Variants in MFSD12 observed in about 807,000 individuals in gnomAD.
The protein encoded by MFSD12 is major facilitator superfamily domain containing 12.
In MFSD12, 67 loss-of-function variants were observed where a neutral mutation model predicts 51.2. The ratio of observed to expected loss-of-function variants is 1.31; its 90% CI spans 1.08 to 1.60. The LOEUF (loss-of-function observed/expected upper bound fraction) is 1.60. Ranked by LOEUF, MFSD12 falls within the 40% of genes most tolerant of loss-of-function variation. The pLI is 0.00. For synonymous variants in MFSD12, 441 were observed against 316.7 expected (o/e 1.39, Z -4.17); for missense variants, 921 against 673.0 (o/e 1.37, Z -4.08).
In MFSD12 at chr19:3,551,488, C is replaced by T. The variant is rs1336989038; in HGVS notation, c.299-294G>A. On this transcript the variant is annotated intron_variant, in intron 1 of 9. Coordinates refer to ENST00000355415, the MANE Select transcript of MFSD12 (RefSeq NM_174983.5). The surrounding 1 kb of genome is among the most constrained non-coding windows in gnomAD (Gnocchi z 4.6). ...CCCACAGGTGCCCCGGTTACAGCCG[C>T]AGCCTCCCCCAGCTCCTCCCCCTCG... Among the ~76,000 whole-genome samples, 1 of 152,172 alleles carries T rather than the reference C, an allele frequency of 6.6e-6. No homozygotes were observed. The highest frequency in any genetic ancestry group is 2.4e-5 in the African/African-American group (1 of 41,450).
intron 1 of MFSD12, among the ~76,000 whole-genome samples, chr19:3,552,094 C>T (rs1265526202): frequency 2.0e-5 from 3 of 152,196 alleles, no homozygotes; most frequent in African/African-American, 7.2e-5. Flanking sequence ...CGGCTTCCTG[C>T]CGGCTTTCCT....
chr19:3,551,939 G>A lies in MFSD12; in HGVS notation c.299-745C>T, dbSNP rs1292154198. On this transcript the variant is annotated intron_variant, in intron 1 of 9. Coordinates refer to ENST00000355415, the MANE Select transcript of MFSD12 (RefSeq NM_174983.5). The surrounding 1 kb of genome is among the most constrained non-coding windows in gnomAD (Gnocchi z 4.6). ...CGGGCCTTTGCATGGGCGTGCCTCT[G>A]CCTAGAGCTCTCTCTCACATCTTAG... Among the ~76,000 whole-genome samples the A allele has an allele frequency of 2.0e-5, 3 of 152,066 alleles. No homozygotes were observed. Among genetic ancestry groups the A allele is most frequent in the Non-Finnish European group, 4.4e-5 (3 of 68,020 alleles).
chr19:3,543,165 A>G (rs936636067), downstream of MFSD12: 16 of 1,519,028 alleles, frequency 1.1e-5, no homozygotes, highest in Non-Finnish European at 1.4e-5. Context: ...CCACCCTGGC[A>G]GACATCGCAA....
chr19:3,554,462 A>G (rs1001506248), intron 1 of MFSD12, among the ~76,000 whole-genome samples: 3 of 139,960 alleles, frequency 2.1e-5, no homozygotes, highest in Non-Finnish European at 3.2e-5. Context: ...AAAAAAAAAA[A>G]AAAAGAAAGA....
rs56203814 is a variant in MFSD12, at chr19:3,544,894, C to A, written c.1335G>T (p.Ala445=). The A allele has an allele frequency of 6.2e-7, 1 of 1,611,760 alleles. No individual in the cohort carries two copies. Among genetic ancestry groups the A allele is most frequent in the Non-Finnish European group, 8.5e-7 (1 of 1,179,528 alleles). ...CRACVSFYHW[A]MVAVTGGVGV... is the part of the protein sequence containing the mutation. ...CCACGCCGCCCGTCACAGCCACCAT[C>A]GCCCAGTGGTAAAAGCTCACGCAGG... Residue 445 remains alanine, a synonymous_variant, in exon 9 of 10, where the codon GCG becomes GCT. Transcript: ENST00000355415.
At chr19:3,548,347 G>A in intron 2 of MFSD12, 80 bp from the exon 3 acceptor site, 1 of 1,508,878 alleles carries the variant, frequency 6.6e-7, no homozygotes, top group Non-Finnish European at 8.8e-7. Flanking sequence ...CGCCGTCAGA[G>A]AGGCCTGGGG....
intron 2 of MFSD12, among the ~76,000 whole-genome samples, chr19:3,548,706 T>C (rs929812814): frequency 2.6e-5 from 4 of 152,142 alleles, no homozygotes; most frequent in Non-Finnish European, 4.4e-5. Flanking sequence ...CTCAGAATCC[T>C]ACCATGAATC....
Position 3,544,663 on chromosome 19 carries a change from G to T in MFSD12, c.*47C>A. The T allele has an allele frequency of 6.4e-7, 1 of 1,555,390 alleles. No individual in the cohort carries two copies. Among genetic ancestry groups the T allele is most frequent in the South Asian group, 1.2e-5 (1 of 82,264 alleles). The stretch of plus-strand genomic sequence containing the variant: ...CCCCAAGGCCCTGGGGGGCATCCTC[G>T]TGCGTCCCCACAGTTCCCTTGCACA... On this transcript the variant is annotated 3_prime_UTR_variant, in exon 10 of 10. Transcript: ENST00000355415.
chr19:3,542,008 C>T (rs1568248609), downstream of MFSD12: 1 of 479,050 alleles, frequency 2.1e-6, no homozygotes, highest in Admixed American at 6.4e-5. Flanking sequence ...CGGGGTTTCA[C>T]CATGTTGGTC....
At chr19:3,539,586 A>G (rs1477199867), downstream of MFSD12, 1 of 332,116 alleles carries the variant, frequency 3.0e-6, no homozygotes, top group East Asian at 5.0e-5. Context: ...TCTGTGGCTG[A>G]GAGAGTCTGT....
chr19:3,538,447 T>TCCC (rs2030079734), exon 5 of MFSD12: 1 of 315,954 alleles, frequency 3.2e-6, no homozygotes, highest in Non-Finnish European at 6.3e-6. Context: ...CACCCCCAGG[T>TCCC]CCCCCTCCCC....
downstream of MFSD12, chr19:3,543,795 TGGG>T: frequency 6.7e-7 from 1 of 1,498,492 alleles, no homozygotes; most frequent in Non-Finnish European, 9.0e-7. Flanking sequence ...GGCGAGGAGG[TGGG>T]GGCACATGGT....
chr19:3,557,543 G>T lies in MFSD12; in HGVS notation c.-140C>A, dbSNP rs1473230406. On this transcript the variant is annotated 5_prime_UTR_variant, in exon 1 of 10. Coordinates refer to ENST00000355415, the MANE Select transcript of MFSD12 (RefSeq NM_174983.5). ...CCGCGTCCCGCTCTCTTACGGCCGCGCCCTCACCCACGTCCGCCGCGTCCG... is the reference window on the plus strand; with the variant it reads ...CCGCGTCCCGCTCTCTTACGGCCGCTCCCTCACCCACGTCCGCCGCGTCCG... 7 of 403,624 alleles carry T rather than the reference G, an allele frequency of 1.7e-5. No homozygotes were observed. Among genetic ancestry groups the T allele is most frequent in the Non-Finnish European group, 2.2e-5 (6 of 273,672 alleles). The allele number at this position is 403,624 out of a possible 1,614,324, so 25.0% of individuals were successfully genotyped here. A position where few individuals can be genotyped will look rare whatever the true frequency, so the allele number is the denominator to read the frequency against.
At chr19:3,553,392 G>A (rs2031571665) in intron 1 of MFSD12, among the ~76,000 whole-genome samples, 5 of 150,988 alleles carry the variant, frequency 3.3e-5, no homozygotes, top group South Asian at 2.1e-4. Context: ...AGGACTGCTT[G>A]AACCCAGGAG....
rs1188124311 is a variant in MFSD12 at position 3,546,407 on chromosome 19, G to A, written c.1042C>T (p.Leu348Phe). Residue 348 changes from leucine to phenylalanine, a missense_variant, in exon 7 of 10, where the codon CTC becomes TTC. Coordinates refer to ENST00000355415, the MANE Select transcript of MFSD12 (RefSeq NM_174983.5). ...IGRNMTYFSG[L>F]LVILAFAAWV... is the part of the protein sequence containing the mutation. ...GCGGCAAAGGCCAGGATCACCAGGA[G>A]GCCTGAGAAGTAGGTCATCTGCAGG... 1.9e-6 allele frequency: 3 copies of A among 1,606,902 alleles called. No individual in the cohort carries two copies. The highest frequency in any genetic ancestry group is 2.7e-5 in the African/African-American group (2 of 74,866).
At chr19:3,543,563 C>G (rs1449158848), downstream of MFSD12, 2 of 1,539,838 alleles carry the variant, frequency 1.3e-6, no homozygotes, top group South Asian at 2.4e-5. Flanking sequence ...AGCCTACACC[C>G]AGCACCTGCG....
intron 1 of MFSD12, among the ~76,000 whole-genome samples, chr19:3,555,495 C>A (rs116145364): frequency 0.033 from 5,026 of 152,256 alleles, 190 homozygotes; most frequent in African/African-American, 0.096. Flanking sequence ...GCAACCAATC[C>A]CAACGTAACC....
Position 3,548,015 on chromosome 19 carries a change from C to T in MFSD12, c.670G>A (p.Val224Met), listed in dbSNP as rs2031217870. ...VPVFRNLSLL[V>M]VGVGAVFSLL... ...GAGAACACGGCGCCGACACCCACCA[C>T]CAGCAGGGACAGGTTCTGGGGATGC... is the stretch of plus-strand genomic sequence containing the variant. Residue 224 changes from valine (V) to methionine (M), a missense_variant, in exon 4 of 10, where the codon GTG (valine) becomes ATG (methionine). Physicochemically the swap from Val to Met is conservative, Grantham distance 21 (BLOSUM62 1). Coordinates refer to ENST00000355415, the MANE Select transcript of MFSD12 (RefSeq NM_174983.5). 5 of 1,599,534 alleles carry T rather than the reference C, an allele frequency of 3.1e-6. No homozygotes were observed. In the Admixed American group the frequency reaches 8.4e-5, roughly 27 times the overall value.
chr19:3,547,340 C>A lies in MFSD12; in HGVS notation c.955G>T (p.Val319Leu). ...GACAAGAAGCCGCTGAGGTACATCA[C>A]CAGGGGAATGGTCGCGATGAACTTC... ...PKKFIATIPL[V>L]MYLSGFLSSF... Residue 319 changes from valine to leucine, a missense_variant, in exon 6 of 10, where the codon GTG becomes TTG. By Grantham distance (32) the Val-to-Leu change is conservative. Coordinates refer to ENST00000355415, the MANE Select transcript of MFSD12 (RefSeq NM_174983.5). 1 of 1,613,374 alleles carries A rather than the reference C, an allele frequency of 6.2e-7. No individual in the cohort carries two copies. The highest frequency in any genetic ancestry group is 8.5e-7 in the Non-Finnish European group (1 of 1,179,990).
Sources: allele counts gnomAD v4.1 joint callset (sites outside exome capture counted in the v4.1 genomes callset), GRCh38; gene constraint gnomAD v4.1.1; non-coding constraint Gnocchi (gnomAD v3.1); transcripts MANE v1.5; gene names NCBI Gene and HGNC (gene_info 2026-07-23, HGNC 2026-07-21).